The following ZNF277 variants were observed in gnomAD, a reference collection of about 807,000 sequenced individuals.
ZNF277 encodes the protein nuclear receptor-interacting factor 4.
Under a neutral mutation model 60.7 loss-of-function variants are expected in ZNF277, and 55 were observed. The ratio of observed to expected loss-of-function variants is 0.91; its 90% CI spans 0.73 to 1.13. ZNF277 has a LOEUF of 1.13. Among genes scored for constraint, ZNF277 ranks in the 50% most tolerant of loss-of-function variants. ZNF277 has a pLI of 0.00. For missense variants in ZNF277, 510 were observed against 523.0 expected, an observed-to-expected ratio of 0.98 and a Z score of 0.24; for synonymous variants, 178 against 179.3, an observed-to-expected ratio of 0.99 and a Z score of 0.06.
At chr7:112,331,724 C>T (rs1793232462) in intron 7 of ZNF277, among the ~76,000 whole-genome samples, 1 of 152,190 alleles carries the variant, frequency 6.6e-6, no homozygotes, top group Admixed American at 6.5e-5. Context: ...TTCTTGAAAT[C>T]ACTCAGTCAT....
At chr7:112,324,529 G>A (rs1348410087) in intron 5 of ZNF277, among the ~76,000 whole-genome samples, 2 of 152,148 alleles carry the variant, frequency 1.3e-5, no homozygotes, top group East Asian at 3.8e-4. Flanking sequence ...TTCAAAATCT[G>A]ACATGAAGCA....
At chr7:112,237,831 A>G (rs935904841) in intron 1 of ZNF277, among the ~76,000 whole-genome samples, 4 of 152,232 alleles carry the variant, frequency 2.6e-5, no homozygotes, top group African/African-American at 9.6e-5. Flanking sequence ...CTGCAAAGCC[A>G]GTAACACCCT....
chr7:112,250,669 C>G (rs1004574602), intron 1 of ZNF277, among the ~76,000 whole-genome samples: 1 of 152,092 alleles, frequency 6.6e-6, no homozygotes, highest in African/African-American at 2.4e-5. Flanking sequence ...GGGGCAGGTT[C>G]CCCGATAGTT....
rs1464296284 is a variant in ZNF277, at chr7:112,327,806, C to G, written c.647C>G (p.Thr216Arg). 2 of 1,609,142 alleles carry G rather than the reference C, an allele frequency of 1.2e-6. No individual in the cohort carries two copies. Among genetic ancestry groups the G allele is most frequent in the Non-Finnish European group, 1.7e-6 (2 of 1,178,172 alleles). The change falls in exon 6 of 12, where the codon ACA (threonine) becomes AGA (arginine). Residue 216 changes from threonine to arginine, a missense_variant. By Grantham distance (71) the Thr-to-Arg change is moderately conservative. Transcript: ENST00000361822. ...GTAAACTGCAATGAATTTTTGTGTACATTACAGAAAAAGCTTGACAAGTAA... is the reference window on the plus strand; with the variant it reads ...GTAAACTGCAATGAATTTTTGTGTAGATTACAGAAAAAGCTTGACAAGTAA... The part of the protein sequence containing the change: ...NIVNCNEFLC[T>R]LQKKLDNLQC...
chr7:112,245,810 T>C (rs1791070160), intron 1 of ZNF277, among the ~76,000 whole-genome samples: 1 of 152,230 alleles, frequency 6.6e-6, no homozygotes, highest in African/African-American at 2.4e-5. Context: ...TGATTACCTC[T>C]GTAGAGACCT....
At chr7:112,276,402 C>T (rs949828463) in intron 1 of ZNF277, among the ~76,000 whole-genome samples, 3 of 152,074 alleles carry the variant, frequency 2.0e-5, no homozygotes, top group African/African-American at 4.8e-5. Context: ...TAGAAACTGT[C>T]GGATGACAAA....
At chr7:112,212,179 G>T (rs1239882910) in intron 1 of ZNF277, among the ~76,000 whole-genome samples, 1 of 152,132 alleles carries the variant, frequency 6.6e-6, no homozygotes, top group African/African-American at 2.4e-5. Context: ...TTTTTTAAAA[G>T]AATACTTTAG....
chr7:112,256,040 C>A (rs1439785301), intron 1 of ZNF277, among the ~76,000 whole-genome samples: 1 of 152,158 alleles, frequency 6.6e-6, no homozygotes, highest in African/African-American at 2.4e-5. Flanking sequence ...TTCTTTGAGA[C>A]TAGAATCTAT....
intron 1 of ZNF277, among the ~76,000 whole-genome samples, chr7:112,231,559 C>T (rs1822331158): frequency 6.6e-6 from 1 of 151,492 alleles, no homozygotes; most frequent in Non-Finnish European, 1.5e-5. Context: ...GGTCCAAATG[C>T]TGGGTTGCAA....
intron 1 of ZNF277, among the ~76,000 whole-genome samples, chr7:112,213,459 A>T (rs1486162212): frequency 2.0e-5 from 3 of 152,206 alleles, no homozygotes; most frequent in Non-Finnish European, 4.4e-5. Flanking sequence ...TTTAGAGAAG[A>T]GCTCTTATTA....
intron 1 of ZNF277, among the ~76,000 whole-genome samples, chr7:112,214,352 C>T (rs1464058503): frequency 6.6e-6 from 1 of 152,130 alleles, no homozygotes; most frequent in Non-Finnish European, 1.5e-5. Context: ...AGAACTTTGC[C>T]ACAAAATTAG....
chr7:112,230,500 A>C (rs1414583601), intron 1 of ZNF277, among the ~76,000 whole-genome samples: 1 of 152,242 alleles, frequency 6.6e-6, no homozygotes, highest in East Asian at 1.9e-4. Flanking sequence ...ACCAGAGAAC[A>C]GAGATAACTG....
intron 4 of ZNF277, among the ~76,000 whole-genome samples, chr7:112,296,933 T>TTTTTA (rs1792365997): frequency 1.1e-5 from 1 of 93,664 alleles, no homozygotes; most frequent in Non-Finnish European, 2.3e-5. Flanking sequence ...TTTTTTTTTT[T>TTTTTA]TTTTTTTTTT....
intron 1 of ZNF277, among the ~76,000 whole-genome samples, chr7:112,242,641 A>G (rs1790988899): frequency 1.3e-5 from 2 of 151,920 alleles, no homozygotes; most frequent in Admixed American, 6.6e-5. Flanking sequence ...AAGGAAAACT[A>G]TGAAACACTG....
chr7:112,313,957 A>G (rs1040572003), intron 4 of ZNF277, among the ~76,000 whole-genome samples: 3 of 152,178 alleles, frequency 2.0e-5, no homozygotes, highest in African/African-American at 7.2e-5. Flanking sequence ...ATCTACTATA[A>G]GAAATTGTGT....
At chr7:112,338,817 C>A (rs138654049) in intron 9 of ZNF277, among the ~76,000 whole-genome samples, 1 of 152,144 alleles carries the variant, frequency 6.6e-6, no homozygotes, top group Non-Finnish European at 1.5e-5. Context: ...ATTACCTTTT[C>A]GGCATCCTTG....
At chr7:112,296,908 ATT>A (rs1190113636) in intron 4 of ZNF277, among the ~76,000 whole-genome samples, 1 of 37,186 alleles carries the variant, frequency 2.7e-5, no homozygotes, top group African/African-American at 1.2e-4. Flanking sequence ...TTATTTATTT[ATT>A]TATTTTTTTT....
Position 112,334,225 on chromosome 7 carries a change from T to C in ZNF277, c.802-1879T>C, listed in dbSNP as rs150753296. On this transcript the variant is annotated intron_variant, in intron 7 of 11. Coordinates refer to ENST00000361822, the MANE Select transcript of ZNF277 (RefSeq NM_021994.3). ...GAAGTGTGATGGGTGAAGGGGATCTTTTTTTTCCATGTTTTTTTCCACCCT... is the reference window on the plus strand; with the variant it reads ...GAAGTGTGATGGGTGAAGGGGATCTCTTTTTTCCATGTTTTTTTCCACCCT... 3.3e-5 allele frequency among the ~76,000 whole-genome samples: 5 copies of C among 152,148 alleles called. No individual in the cohort carries two copies. In the East Asian group the frequency reaches 9.7e-4, roughly 29 times the overall value.
At chr7:112,312,379 G>T (rs1792750700) in intron 4 of ZNF277, among the ~76,000 whole-genome samples, 1 of 151,974 alleles carries the variant, frequency 6.6e-6, no homozygotes, top group Admixed American at 6.6e-5. Flanking sequence ...CATTCTTGGG[G>T]TAATTGAATA....
Sources: allele counts gnomAD v4.1 joint callset (sites outside exome capture counted in the v4.1 genomes callset), GRCh38; gene constraint gnomAD v4.1.1; transcripts MANE v1.5; gene names NCBI Gene and HGNC (gene_info 2026-07-23, HGNC 2026-07-21).